CA10: variants seen among roughly 807,000 people sequenced by gnomAD.
CA10 encodes the protein carbonic anhydrase-related protein 10.
Under a neutral mutation model 44.2 loss-of-function variants are expected in CA10, and 14 were observed. The ratio of observed to expected loss-of-function variants is 0.32; its 90% CI spans 0.21 to 0.50. The LOEUF (loss-of-function observed/expected upper bound fraction) is 0.50. CA10 is among the 20% of genes least tolerant of loss of function. CA10 has a pLI of 0.99. For synonymous variants in CA10, 159 were observed against 141.6 expected (o/e 1.12, Z -0.87); for missense variants, 350 against 409.7 (o/e 0.85, Z 1.26).
At chr17:51,677,889 C>CG (rs981800106) in intron 4 of CA10, among the ~76,000 whole-genome samples, 1 of 35,744 alleles carries the variant, frequency 2.8e-5, no homozygotes, top group Non-Finnish European at 1.1e-4. Flanking sequence ...GTATACACCC[C>CG]CCCCCCCACC....
intron 3 of CA10, among the ~76,000 whole-genome samples, chr17:51,889,143 A>G (rs1471834584): frequency 6.6e-6 from 1 of 152,232 alleles, no homozygotes; most frequent in South Asian, 2.1e-4. Flanking sequence ...CCAGGTGGAG[A>G]TTGCAAGGCT....
chr17:51,873,225 A>G (rs760406563), intron 3 of CA10, among the ~76,000 whole-genome samples: 5 of 152,238 alleles, frequency 3.3e-5, no homozygotes, highest in African/African-American at 1.2e-4. Flanking sequence ...TACTTAGAAC[A>G]AGGTACAGAA....
At chr17:52,115,301 C>G (rs1988869438) in intron 1 of CA10, among the ~76,000 whole-genome samples, 1 of 152,232 alleles carries the variant, frequency 6.6e-6, no homozygotes, top group African/African-American at 2.4e-5. Flanking sequence ...GGTCTTGAGA[C>G]AAGACCTAGA....
At chr17:52,134,423 G>C (rs1484033553) in intron 1 of CA10, among the ~76,000 whole-genome samples, 1 of 152,064 alleles carries the variant, frequency 6.6e-6, no homozygotes, top group Non-Finnish European at 1.5e-5. Context: ...CAAGCTTTCT[G>C]TCTTTAACTA....
rs188101197 is a variant in CA10 at position 51,701,262 on chromosome 17, C to T, written c.465+46371G>A. Among the ~76,000 whole-genome samples, 259 of 152,186 alleles carry T rather than the reference C, an allele frequency of 1.7e-3. 1 individual carries two copies. Among genetic ancestry groups the T allele is most frequent in the African/African-American group, 5.7e-3 (236 of 41,528 alleles). The stretch of plus-strand genomic sequence containing the variant: ...ACTCCGGCCTCTGCCTCTGTTTTCA[C>T]ATGGTTGTCTTCTGTCTGTGTCCCA... On this transcript the variant is annotated intron_variant, in intron 4 of 8. Transcript: ENST00000451037.
chr17:52,035,436 T>C lies in CA10; in HGVS notation c.136+36883A>G, dbSNP rs536299494. Among the ~76,000 whole-genome samples, 95 of 152,312 alleles carry C rather than the reference T, an allele frequency of 6.2e-4. 1 individual carries two copies. The South Asian group carries it at 8.1e-3, about 13-fold the overall frequency. Reference sequence around the variant, plus strand: ...TCTCCTGCATTTACCATTCTTCAATTTGTGTGACCTCACTTTTCCTGGATG... The same window carrying C: ...TCTCCTGCATTTACCATTCTTCAATCTGTGTGACCTCACTTTTCCTGGATG... On this transcript the variant is annotated intron_variant, in intron 2 of 8. Coordinates refer to ENST00000451037, the MANE Select transcript of CA10 (RefSeq NM_020178.5).
chr17:51,683,590 G>T (rs1021014109), intron 4 of CA10, among the ~76,000 whole-genome samples: 1 of 152,112 alleles, frequency 6.6e-6, no homozygotes, highest in Non-Finnish European at 1.5e-5. Context: ...TGTGCAATAC[G>T]TAAAGCTTTG....
intron 3 of CA10, among the ~76,000 whole-genome samples, chr17:51,876,618 T>C (rs1361456600): frequency 3.9e-5 from 6 of 152,256 alleles, no homozygotes; most frequent in Admixed American, 6.5e-5. Context: ...CGTAACAGCC[T>C]CTGAACCAGT....
intron 3 of CA10, among the ~76,000 whole-genome samples, chr17:51,756,757 T>G (rs531548460): frequency 3.4e-4 from 52 of 152,286 alleles, no homozygotes; most frequent in Non-Finnish European, 6.6e-4. Flanking sequence ...ATTACAGGTG[T>G]GAGCCACTGT....
intron 3 of CA10, among the ~76,000 whole-genome samples, chr17:51,806,525 A>C (rs1381932790): frequency 1.3e-5 from 2 of 152,232 alleles, no homozygotes; most frequent in Non-Finnish European, 2.9e-5. Flanking sequence ...AACAAATAAA[A>C]ATGAGAAAGA....
chr17:51,702,289 A>G (rs1915628116), intron 4 of CA10, among the ~76,000 whole-genome samples: 1 of 152,036 alleles, frequency 6.6e-6, no homozygotes, highest in Non-Finnish European at 1.5e-5. Context: ...TGCTGTGACT[A>G]CTCAGCTAGC....
intron 3 of CA10, among the ~76,000 whole-genome samples, chr17:51,796,060 G>A (rs572333002): frequency 6.6e-6 from 1 of 152,318 alleles, no homozygotes; most frequent in South Asian, 2.1e-4. Flanking sequence ...CAGTGAGACT[G>A]GAACCTGGGG....
intron 2 of CA10, among the ~76,000 whole-genome samples, chr17:52,013,117 G>C (rs1985859239): frequency 6.6e-6 from 1 of 151,890 alleles, no homozygotes; most frequent in Non-Finnish European, 1.5e-5. Flanking sequence ...TTGCTCTATA[G>C]AAATACTTTT....
At chr17:51,747,215 G>A (rs1326597404) in intron 4 of CA10, among the ~76,000 whole-genome samples, 1 of 152,232 alleles carries the variant, frequency 6.6e-6, no homozygotes, top group African/African-American at 2.4e-5. Context: ...ATAGTTTTAT[G>A]CAAATATGAC....
intron 3 of CA10, among the ~76,000 whole-genome samples, chr17:51,911,904 G>A (rs937824590): frequency 2.6e-5 from 4 of 152,136 alleles, no homozygotes; most frequent in Admixed American, 2.6e-4. Flanking sequence ...CACCTACTAT[G>A]TGCCAAATAA....
intron 4 of CA10, among the ~76,000 whole-genome samples, chr17:51,683,221 G>A (rs1914902461): frequency 6.6e-6 from 1 of 152,150 alleles, no homozygotes; most frequent in Non-Finnish European, 1.5e-5. Context: ...CAGACAAGAT[G>A]GGTTTAAAAT....
chr17:51,907,128 AC>A (rs1423363117), intron 3 of CA10, among the ~76,000 whole-genome samples: 4 of 151,982 alleles, frequency 2.6e-5, no homozygotes, highest in Admixed American at 6.6e-5. Context: ...TGACAATCAG[AC>A]TTTTGACCAT....
chr17:51,917,085 T>G (rs1470593998), intron 3 of CA10, among the ~76,000 whole-genome samples: 1 of 152,092 alleles, frequency 6.6e-6, no homozygotes, highest in Non-Finnish European at 1.5e-5. Context: ...CTAAGAACAG[T>G]GGTGTGCTGT....
intron 4 of CA10, among the ~76,000 whole-genome samples, chr17:51,662,040 G>T (rs1043534593): frequency 6.6e-6 from 1 of 152,166 alleles, no homozygotes; most frequent in Non-Finnish European, 1.5e-5. Context: ...TTTTCTGACC[G>T]CTGCTAGTTT....
Sources: allele counts gnomAD v4.1 joint callset (sites outside exome capture counted in the v4.1 genomes callset), GRCh38; gene constraint gnomAD v4.1.1; transcripts MANE v1.5; gene names NCBI Gene and HGNC (gene_info 2026-07-23, HGNC 2026-07-21).